Variants in YLPM1 observed in about 807,000 individuals in gnomAD.
YLPM1 encodes the protein YLP motif-containing protein 1.
A neutral mutation model predicts 230.0 loss-of-function variants in YLPM1; 99 were observed. That is an observed-to-expected ratio of 0.43 (90% CI 0.37 to 0.51). YLPM1 has a LOEUF of 0.51. Ranked by LOEUF, YLPM1 falls within the 20% of genes least tolerant of loss-of-function variation. The pLI is 0.00. For synonymous variants in YLPM1, 984 were observed against 942.5 expected (o/e 1.04, Z -0.81); for missense variants, 2,592 against 2,707.7 (o/e 0.96, Z 0.95).
intron 5 of YLPM1, among the ~76,000 whole-genome samples, chr14:74,800,000 C>G (rs2091309989): frequency 6.6e-6 from 1 of 152,164 alleles, no homozygotes; most frequent in South Asian, 2.1e-4. Flanking sequence ...TTTCAGTGCT[C>G]TGGATTTCAC....
intron 1 of YLPM1, among the ~76,000 whole-genome samples, chr14:74,767,459 G>T (rs956432310): frequency 1.7e-4 from 26 of 152,260 alleles, no homozygotes; most frequent in African/African-American, 6.3e-4. Flanking sequence ...ATAGATCAGG[G>T]TTTCTCAGCT....
intron 5 of YLPM1, among the ~76,000 whole-genome samples, chr14:74,802,129 A>G (rs1387157195): frequency 6.6e-6 from 1 of 151,744 alleles, no homozygotes; most frequent in East Asian, 1.9e-4. Flanking sequence ...GAGGCAGGAG[A>G]ATCACTTGAA....
At chr14:74,778,413 C>A in intron 1 of YLPM1, 34 bp from the exon 2 acceptor site, 1 of 1,544,130 alleles carries the variant, frequency 6.5e-7, no homozygotes, top group South Asian at 1.2e-5. Context: ...ACATGATTGT[C>A]AATCAAAATT....
intron 11 of YLPM1, among the ~76,000 whole-genome samples, chr14:74,814,137 G>T (rs1352949340): frequency 6.6e-6 from 1 of 152,254 alleles, no homozygotes; most frequent in South Asian, 2.1e-4. Context: ...TGAGATGGGC[G>T]GATCATGAGG....
At chr14:74,812,911 C>A in intron 11 of YLPM1, 129 bp downstream of exon 11, 3 of 1,199,982 alleles carry the variant, frequency 2.5e-6, no homozygotes, top group Non-Finnish European at 3.4e-6. Flanking sequence ...GTTTTACTAT[C>A]TCTAAATCAC....
rs1223650778 is a variant in YLPM1 at position 74,821,380 on chromosome 14, C to T, written c.6111+243C>T. ...CTAAGAAACTTACCCTTGTACTCAT[C>T]TATTTGTGGGTGGTTTTAGGGGAGT... is the stretch of plus-strand genomic sequence containing the variant. On this transcript the variant is annotated intron_variant, in intron 17 of 20. Transcript: ENST00000325680. 7.7e-6 allele frequency: 3 copies of T among 390,764 alleles called. No individual in the cohort carries two copies. In the East Asian group the frequency reaches 1.4e-4, roughly 18 times the overall value. 24.2% of individuals were successfully genotyped at this position (390,764 alleles called of 1,614,324 possible).
chr14:74,802,731 ATGT>A (rs2091340567), intron 6 of YLPM1, 55 bp downstream of exon 6: 3 of 1,484,560 alleles, frequency 2.0e-6, no homozygotes, highest in African/African-American at 2.9e-5. Flanking sequence ...GTATGTTTCT[ATGT>A]TGTTTGATTT....
At position 74,781,974 on chromosome 14, in the gene YLPM1, C is replaced by T. The variant is rs773929601; in HGVS notation, c.1931C>T (p.Pro644Leu). 6.8e-6 allele frequency: 11 copies of T among 1,613,602 alleles called. No homozygotes were observed. Among genetic ancestry groups the T allele is most frequent in the African/African-American group, 1.3e-5 (1 of 74,908 alleles). ...CCTGGAGTTCCACAAGGGATACCTC[C>T]TCAGTTAACAGCAGCCCCAGTTCCA... ...PPPGVPQGIP[P>L]QLTAAPVPPA... The change falls in exon 4 of 21, where the codon CCT becomes CTT. Residue 644 changes from proline (P) to leucine (L), a missense_variant. Pro to Leu is a moderately conservative substitution (Grantham distance 98). This residue lies in a region of YLPM1 where 1,862 missense variants were observed against 1,819.8 expected (regional missense o/e 1.02). Transcript: ENST00000325680.
intron 1 of YLPM1, among the ~76,000 whole-genome samples, chr14:74,773,041 A>G (rs555810773): frequency 6.6e-6 from 1 of 152,306 alleles, no homozygotes; most frequent in South Asian, 2.1e-4. Flanking sequence ...TAATCCCAGC[A>G]CTTTGGGAGG....
Position 74,816,658 on chromosome 14 carries a change from G to T in YLPM1, c.5653G>T (p.Asp1885Tyr). ...FITEVEKEEK[D>Y]PDSGKKVKKK... ...CACTGAAGTGGAAAAAGAAGAAAAA[G>T]ATCCAGATTCTGGAAAGAAAGTGAA... Residue 1885 changes from aspartate to tyrosine, a missense_variant, in exon 13 of 21, where the codon GAT becomes TAT. This residue lies in a region of YLPM1 where 315 missense variants were observed against 429.3 expected (regional missense o/e 0.73). Coordinates refer to ENST00000325680, the MANE Select transcript of YLPM1 (RefSeq NM_019589.3). 1 of 1,613,428 alleles carries T rather than the reference G, an allele frequency of 6.2e-7. No individual in the cohort carries two copies. The highest frequency in any genetic ancestry group is 8.5e-7 in the Non-Finnish European group (1 of 1,179,682).
chr14:74,822,000 C>T (rs1318086544), intron 17 of YLPM1: 1 of 152,092 alleles, frequency 6.6e-6, no homozygotes, highest in Non-Finnish European at 1.5e-5. Context: ...GTGGTCCCAT[C>T]GAACCCGTGT....
chr14:74,797,973 T>C lies in YLPM1; in HGVS notation c.2676T>C (p.Asp892=). 1 of 1,613,786 alleles carries C rather than the reference T, an allele frequency of 6.2e-7. No homozygotes were observed. Among genetic ancestry groups the C allele is most frequent in the Non-Finnish European group, 8.5e-7 (1 of 1,179,842 alleles). The change falls in exon 5 of 21, where the codon GAT becomes GAC. Residue 892 remains aspartate (D), a synonymous_variant. Transcript: ENST00000325680. ...AAFSIAADVK[D]VKAAQSNENL... Reference sequence around the variant, plus strand: ...TTTCCATTGCTGCAGATGTAAAGGATGTCAAGGCGGCTCAGTCAAATGAGA... The same window carrying C: ...TTTCCATTGCTGCAGATGTAAAGGACGTCAAGGCGGCTCAGTCAAATGAGA...
At position 74,768,496 on chromosome 14, in the gene YLPM1, T is replaced by G. The variant is rs2090937034; in HGVS notation, c.873+4134T>G. 4.6e-5 allele frequency among the ~76,000 whole-genome samples: 7 copies of G among 152,264 alleles called. No individual in the cohort carries two copies. In the South Asian group the frequency reaches 1.5e-3, roughly 32 times the overall value. ...TCCTGACCTCAAGTGATCCACCTGCTTCGGCCTCCCAAAGTGCTGGGATTA... is the reference window on the plus strand; with the variant it reads ...TCCTGACCTCAAGTGATCCACCTGCGTCGGCCTCCCAAAGTGCTGGGATTA... On this transcript the variant is annotated intron_variant, in intron 1 of 20. Coordinates refer to ENST00000325680, the MANE Select transcript of YLPM1 (RefSeq NM_019589.3).
Position 74,799,055 on chromosome 14 carries a change from C to A in YLPM1, c.3758C>A (p.Ser1253Tyr), listed in dbSNP as rs1273807741. ...NREDRFSAPP[S>Y]RSHDGDRRGP... Reference sequence around the variant, plus strand: ...GAGGACAGGTTCTCAGCACCACCATCTCGGTCTCATGATGGAGATAGGCGA... The same window carrying A: ...GAGGACAGGTTCTCAGCACCACCATATCGGTCTCATGATGGAGATAGGCGA... Residue 1253 changes from serine to tyrosine, a missense_variant, in exon 5 of 21, where the codon TCT becomes TAT. By Grantham distance (144) the Ser-to-Tyr change is moderately radical. This residue lies in a region of YLPM1 where 1,862 missense variants were observed against 1,819.8 expected (regional missense o/e 1.02). Coordinates refer to ENST00000325680, the MANE Select transcript of YLPM1 (RefSeq NM_019589.3). 2 of 1,613,856 alleles carry A rather than the reference C, an allele frequency of 1.2e-6. No individual in the cohort carries two copies. Among genetic ancestry groups the A allele is most frequent in the South Asian group, 1.1e-5 (1 of 91,080 alleles).
chr14:74,781,302 GT>G, intron 3 of YLPM1, 31 bp from the exon 4 acceptor site: 1 of 1,488,636 alleles, frequency 6.7e-7, no homozygotes, highest in Non-Finnish European at 8.9e-7. Flanking sequence ...TATATGAATG[GT>G]TTTAAATAGT....
intron 1 of YLPM1, 97 bp from the exon 2 acceptor site, chr14:74,778,350 C>G (rs2091061798): frequency 9.6e-7 from 1 of 1,045,892 alleles, no homozygotes; most frequent in African/African-American, 1.6e-5. Context: ...TACATATAGA[C>G]ACATGAACAC....
intron 4 of YLPM1, among the ~76,000 whole-genome samples, chr14:74,789,168 T>G (rs2091179635): frequency 6.6e-6 from 1 of 152,164 alleles, no homozygotes; most frequent in Non-Finnish European, 1.5e-5. Context: ...TACAATAAAT[T>G]TATCTGTTAG....
intron 19 of YLPM1, among the ~76,000 whole-genome samples, chr14:74,831,256 C>CA (rs904329101): frequency 5.3e-5 from 8 of 152,154 alleles, no homozygotes; most frequent in Non-Finnish European, 1.0e-4. Flanking sequence ...GGCACCATTA[C>CA]AAAGAATCCA....
At chr14:74,769,658 C>T (rs939279230) in intron 1 of YLPM1, among the ~76,000 whole-genome samples, 2 of 151,158 alleles carry the variant, frequency 1.3e-5, no homozygotes, top group Admixed American at 1.3e-4. Flanking sequence ...CTCCTGACCT[C>T]GTGATCCACC....
Sources: allele counts gnomAD v4.1 joint callset (sites outside exome capture counted in the v4.1 genomes callset), GRCh38; gene constraint gnomAD v4.1.1; regional missense constraint gnomAD v4.1.1; transcripts MANE v1.5; gene names NCBI Gene and HGNC (gene_info 2026-07-23, HGNC 2026-07-21).